The following CFAP299 variants were observed in gnomAD, a reference collection of about 807,000 sequenced individuals.
CFAP299 encodes cilia- and flagella-associated protein 299.
In CFAP299, 21 loss-of-function variants were observed where a neutral mutation model predicts 27.0. The observed-to-expected ratio is 0.78, with a 90% CI of 0.55 to 1.12. The LOEUF is 1.12. CFAP299 is among the 50% of genes most tolerant of loss of function. The pLI, the probability that CFAP299 is intolerant of heterozygous loss-of-function variation, is 0.00. For synonymous variants in CFAP299, 104 were observed against 98.1 expected (o/e 1.06, Z -0.36); for missense variants, 310 against 276.6 (o/e 1.12, Z -0.86).
chr4:80,858,807 C>G (rs1480049239), intron 3 of CFAP299, among the ~76,000 whole-genome samples: 4 of 152,000 alleles, frequency 2.6e-5, no homozygotes, highest in Non-Finnish European at 5.9e-5. Context: ...TTTACATTTG[C>G]TGAGGAGAGC....
At chr4:80,387,015 C>T (rs1427812385) in intron 2 of CFAP299, 6 of 1,228,962 alleles carry the variant, frequency 4.9e-6, no homozygotes, top group Middle Eastern at 1.9e-4. Flanking sequence ...TGGCAGATGA[C>T]GCTGCAGGTA....
intron 2 of CFAP299, among the ~76,000 whole-genome samples, chr4:80,429,986 T>G (rs1727728113): frequency 6.6e-6 from 1 of 152,182 alleles, no homozygotes; most frequent in Admixed American, 6.5e-5. Flanking sequence ...TCACTCTGAA[T>G]TTTGAATTTC....
intron 2 of CFAP299, among the ~76,000 whole-genome samples, chr4:80,510,654 G>T (rs1029728022): frequency 9.2e-5 from 14 of 152,134 alleles, no homozygotes; most frequent in African/African-American, 3.4e-4. Flanking sequence ...GTGTAAGCCA[G>T]TCATGAGTTA....
At chr4:80,760,733 T>A (rs890586273) in intron 3 of CFAP299, among the ~76,000 whole-genome samples, 17 of 152,042 alleles carry the variant, frequency 1.1e-4, no homozygotes, top group Non-Finnish European at 4.4e-5. Context: ...AACACAAATA[T>A]AAGAAACATG....
rs535963569 is a variant in CFAP299, at chr4:80,840,223, G to A, written c.334-29770G>A. ...CAGAATATGTAACTTGAACTAGATGGTATATGTTGTGTTCTAATCTTCAAT... is the reference window on the plus strand; with the variant it reads ...CAGAATATGTAACTTGAACTAGATGATATATGTTGTGTTCTAATCTTCAAT... On this transcript the variant is annotated intron_variant, in intron 3 of 5. Transcript: ENST00000358105. 8.5e-5 allele frequency among the ~76,000 whole-genome samples: 13 copies of A among 152,162 alleles called. 1 individual carries two copies. In the South Asian group the frequency reaches 1.7e-3, roughly 19 times the overall value.
At chr4:80,427,491 C>A (rs1344127599) in intron 2 of CFAP299, among the ~76,000 whole-genome samples, 1 of 152,148 alleles carries the variant, frequency 6.6e-6, no homozygotes, top group African/African-American at 2.4e-5. Flanking sequence ...GTCTTCTTAA[C>A]CTGAATCTCA....
At chr4:80,622,147 C>A (rs1476550582) in intron 3 of CFAP299, among the ~76,000 whole-genome samples, 1 of 151,960 alleles carries the variant, frequency 6.6e-6, no homozygotes, top group Non-Finnish European at 1.5e-5. Context: ...CAAAAATAAG[C>A]CATTATTTTA....
chr4:80,512,857 C>A (rs1403014161), intron 2 of CFAP299, among the ~76,000 whole-genome samples: 2 of 151,970 alleles, frequency 1.3e-5, no homozygotes, highest in Admixed American at 1.3e-4. Flanking sequence ...CTCTCTTTCT[C>A]TATATTTCTC....
chr4:80,870,860 C>A (rs1227835373), intron 4 of CFAP299: 1 of 985,036 alleles, frequency 1.0e-6, no homozygotes, highest in Admixed American at 6.1e-5. Flanking sequence ...TATCCTCTAT[C>A]CACCCTTACT....
intron 2 of CFAP299, among the ~76,000 whole-genome samples, chr4:80,467,335 A>G (rs1315520933): frequency 6.6e-6 from 1 of 152,190 alleles, no homozygotes; most frequent in Non-Finnish European, 1.5e-5. Flanking sequence ...CTAAGTCTAT[A>G]CCTTGATGTA....
chr4:80,581,580 A>T (rs1354507466), intron 2 of CFAP299, among the ~76,000 whole-genome samples: 1 of 150,402 alleles, frequency 6.6e-6, no homozygotes, highest in Admixed American at 6.6e-5. Context: ...TAACATAAAC[A>T]GTAGGTTGCA....
intron 2 of CFAP299, among the ~76,000 whole-genome samples, chr4:80,544,820 A>T (rs192096074): frequency 8.5e-5 from 13 of 152,326 alleles, no homozygotes; most frequent in Non-Finnish European, 1.6e-4. Flanking sequence ...CAGAAAAGTA[A>T]CAAAGATATT....
At chr4:80,680,416 A>G (rs1051646887) in intron 3 of CFAP299, among the ~76,000 whole-genome samples, 6 of 152,038 alleles carry the variant, frequency 3.9e-5, no homozygotes, top group African/African-American at 1.4e-4. Context: ...ATATATTTTT[A>G]TCTGGATATT....
At chr4:80,762,938 T>C (rs961741637) in intron 3 of CFAP299, among the ~76,000 whole-genome samples, 1 of 152,188 alleles carries the variant, frequency 6.6e-6, no homozygotes, top group South Asian at 2.1e-4. Flanking sequence ...AACTTCTTTC[T>C]CTTTCAAATC....
At chr4:80,779,828 G>T (rs1270766822) in intron 3 of CFAP299, among the ~76,000 whole-genome samples, 1 of 151,852 alleles carries the variant, frequency 6.6e-6, no homozygotes, top group African/African-American at 2.4e-5. Context: ...TCACTTATTT[G>T]TACATAAAAT....
intron 3 of CFAP299, among the ~76,000 whole-genome samples, chr4:80,615,112 CTCTT>C (rs1283364042): frequency 6.6e-6 from 1 of 152,058 alleles, no homozygotes; most frequent in Admixed American, 6.6e-5. Context: ...ATTACATTAA[CTCTT>C]TATGGCCCTC....
At chr4:80,839,883 A>C (rs1210986916) in intron 3 of CFAP299, among the ~76,000 whole-genome samples, 1 of 152,118 alleles carries the variant, frequency 6.6e-6, no homozygotes, top group Non-Finnish European at 1.5e-5. Context: ...AACATCCAAG[A>C]AATGACCAGG....
chr4:80,584,012 A>G (rs1156421514), intron 3 of CFAP299, among the ~76,000 whole-genome samples: 1 of 151,992 alleles, frequency 6.6e-6, no homozygotes, highest in Non-Finnish European at 1.5e-5. Flanking sequence ...CATGCAGGCA[A>G]AACCCTCAAT....
intron 2 of CFAP299, among the ~76,000 whole-genome samples, chr4:80,551,286 A>G (rs1734501609): frequency 6.6e-6 from 1 of 152,208 alleles, no homozygotes; most frequent in African/African-American, 2.4e-5. Context: ...TATGTAGGTA[A>G]CAATCACATT....
Sources: allele counts gnomAD v4.1 joint callset (sites outside exome capture counted in the v4.1 genomes callset), GRCh38; gene constraint gnomAD v4.1.1; transcripts MANE v1.5; gene names NCBI Gene and HGNC (gene_info 2026-07-23, HGNC 2026-07-21).